Variants in EPB41L3 observed in about 807,000 individuals in gnomAD.
EPB41L3 encodes band 4.1-like protein 3.
EPB41L3 carries 57 observed loss-of-function variants against 127.1 expected under a neutral mutation model. The observed-to-expected ratio is 0.45, with a 90% CI of 0.36 to 0.56. EPB41L3 has a LOEUF of 0.56. Ranked by LOEUF, EPB41L3 falls within the 20% of genes least tolerant of loss-of-function variation. The pLI is 0.00. For synonymous variants in EPB41L3, 572 were observed against 549.5 expected, an observed-to-expected ratio of 1.04 and a Z score of -0.57; for missense variants, 1,273 against 1,372.2, an observed-to-expected ratio of 0.93 and a Z score of 1.14.
At chr18:5,419,598 G>A (rs1378025255) in intron 12 of EPB41L3, 113 bp downstream of exon 12, 3 of 1,408,654 alleles carry the variant, frequency 2.1e-6, no homozygotes, top group Non-Finnish European at 2.9e-6. Context: ...TGTGACCAGT[G>A]CTGACATATG....
In EPB41L3 at chr18:5,414,034, T is replaced by G. The variant is rs76329233; in HGVS notation, c.2067+1784A>C. The stretch of plus-strand genomic sequence containing the variant: ...TTTGCTATATAAAAGTTGAAATATT[T>G]ATTTTGAATTTAGAAAAGCATAAAA... On this transcript the variant is annotated intron_variant, in intron 13 of 22. Transcript: ENST00000341928. 1.4e-3 allele frequency among the ~76,000 whole-genome samples: 210 copies of G among 152,346 alleles called. 1 individual carries two copies. Among genetic ancestry groups the G allele is most frequent in the African/African-American group, 4.9e-3 (205 of 41,596 alleles).
chr18:5,557,991 C>G (rs577505699), intron 3 of EPB41L3, among the ~76,000 whole-genome samples: 8 of 152,316 alleles, frequency 5.3e-5, no homozygotes, highest in African/African-American at 1.9e-4. Flanking sequence ...AGATTTTGAA[C>G]AACAGAATCA....
intron 16 of EPB41L3, chr18:5,398,523 G>A (rs944259656): frequency 2.0e-5 from 8 of 403,794 alleles, no homozygotes; most frequent in Admixed American, 4.3e-5. Context: ...TTAAGAAGCT[G>A]GGTTGGCTGC....
rs781737635 is a variant in EPB41L3, at chr18:5,415,863, C to G, written c.2022G>C (p.Leu674Phe). 4.3e-6 allele frequency: 7 copies of G among 1,613,330 alleles called. No homozygotes were observed. Among genetic ancestry groups the G allele is most frequent in the Admixed American group, 1.7e-5 (1 of 59,994 alleles). ...TCGGGTCATTGTCTAGGGAGGCGCT[C>G]AAGGAGGCCGCCTTGGGCTCCAGGT... ...LCYLEPKAAS[L>F]SASLDNDPSD... The change falls in exon 13 of 23, where the codon TTG becomes TTC. Residue 674 changes from leucine to phenylalanine, a missense_variant. Physicochemically the swap from Leu to Phe is conservative, Grantham distance 22. Around this residue, in one of 3 missense-constraint regions of EPB41L3, gnomAD observed 765 missense variants for 782.9 expected, o/e 0.98. Coordinates refer to ENST00000341928, the MANE Select transcript of EPB41L3 (RefSeq NM_012307.5).
chr18:5,481,905 A>G (rs949057583), intron 2 of EPB41L3, among the ~76,000 whole-genome samples: 3 of 152,186 alleles, frequency 2.0e-5, no homozygotes, highest in African/African-American at 7.2e-5. Context: ...CTAAGCAAAC[A>G]TATCCAATAA....
At chr18:5,513,368 T>C (rs1375634029) in intron 1 of EPB41L3, among the ~76,000 whole-genome samples, 1 of 152,116 alleles carries the variant, frequency 6.6e-6, no homozygotes, top group African/African-American at 2.4e-5. Context: ...TGTGCCAAAT[T>C]TGAAGTACCT....
At chr18:5,605,913 C>T (rs1025088653) in intron 3 of EPB41L3, among the ~76,000 whole-genome samples, 14 of 151,950 alleles carry the variant, frequency 9.2e-5, no homozygotes, top group African/African-American at 3.1e-4. Flanking sequence ...TAGGTAAAGA[C>T]GAAGTAAGGA....
chr18:5,434,173 A>G, intron 6 of EPB41L3, 52 bp from the exon 7 acceptor site: 1 of 1,483,726 alleles, frequency 6.7e-7, no homozygotes, highest in Non-Finnish European at 9.4e-7. Flanking sequence ...GGATACAGGA[A>G]AAGGAGGTCG....
chr18:5,403,986 A>G (rs1175068274), intron 16 of EPB41L3, among the ~76,000 whole-genome samples: 2 of 152,212 alleles, frequency 1.3e-5, no homozygotes, highest in African/African-American at 4.8e-5. Flanking sequence ...CCATGGTTTT[A>G]ATATAGAAAT....
intron 3 of EPB41L3, among the ~76,000 whole-genome samples, chr18:5,601,515 T>G (rs2094591524): frequency 6.6e-6 from 1 of 152,174 alleles, no homozygotes; most frequent in African/African-American, 2.4e-5. Context: ...GTGTTGTTGT[T>G]TTTTTCCTTC....
At chr18:5,476,409 T>TA (rs2087231830) in intron 3 of EPB41L3, among the ~76,000 whole-genome samples, 1 of 152,086 alleles carries the variant, frequency 6.6e-6, no homozygotes, top group South Asian at 2.1e-4. Flanking sequence ...AAGTAAAAAA[T>TA]AAAAAATTTG....
Position 5,394,428 on chromosome 18 carries a change from CAAGCATAG to C in EPB41L3, c.*6+241_*6+248del, listed in dbSNP as rs368029542. Reference sequence around the variant, plus strand: ...AAAAGGGAACACCAGGAAGACCACACAAGCATAGAAGCATAGACTCTGCTCTTCCTTTA... The same window carrying C: ...AAAAGGGAACACCAGGAAGACCACACAAGCATAGACTCTGCTCTTCCTTTA... On this transcript the variant is annotated intron_variant, in intron 22 of 22. Coordinates refer to ENST00000341928, the MANE Select transcript of EPB41L3 (RefSeq NM_012307.5). 4.9e-4 allele frequency: 187 copies of C among 381,618 alleles called. 2 individuals are homozygous for C. The highest frequency in any genetic ancestry group is 3.5e-3 in the African/African-American group (175 of 50,078). 23.6% of individuals were successfully genotyped at this position (381,618 alleles called of 1,614,324 possible).
At chr18:5,629,420 C>CACACACACACAG (rs1555828654), upstream of EPB41L3, among the ~76,000 whole-genome samples, 3 of 136,684 alleles carry the variant, frequency 2.2e-5, no homozygotes, top group African/African-American at 1.0e-4. Context: ...ACACACCACA[C>CACACACACACAG]ACACACACAC....
At chr18:5,562,867 C>T (rs903589035) in intron 3 of EPB41L3, among the ~76,000 whole-genome samples, 15 of 152,154 alleles carry the variant, frequency 9.9e-5, no homozygotes, top group East Asian at 1.9e-4. Context: ...GCACTTACTG[C>T]GTGACTTAGT....
intron 3 of EPB41L3, chr18:5,463,499 G>T (rs907948046): frequency 6.6e-6 from 1 of 152,448 alleles, no homozygotes; most frequent in Non-Finnish European, 1.5e-5. Context: ...TTCTCTAGCT[G>T]GTTGCCGATG....
At chr18:5,566,793 C>CT (rs747649790) in intron 3 of EPB41L3, among the ~76,000 whole-genome samples, 967 of 88,056 alleles carry the variant, frequency 0.011, 9 homozygotes, top group Middle Eastern at 0.016. Context: ...TATTCTATTC[C>CT]ATTCCATTCC....
chr18:5,466,248 TC>T, intron 3 of EPB41L3: 1 of 152,194 alleles, frequency 6.6e-6, no homozygotes, highest in East Asian at 1.9e-4. Context: ...AAAACTTTTT[TC>T]AAACGAATAG....
At chr18:5,544,823 T>C (rs1293470098), upstream of EPB41L3, among the ~76,000 whole-genome samples, 4 of 152,202 alleles carry the variant, frequency 2.6e-5, no homozygotes, top group Non-Finnish European at 5.9e-5. Context: ...TGATAATGCT[T>C]GAAGGATAGA....
intron 3 of EPB41L3, among the ~76,000 whole-genome samples, chr18:5,591,537 C>T (rs1205276250): frequency 6.6e-6 from 1 of 152,196 alleles, no homozygotes; most frequent in Non-Finnish European, 1.5e-5. Flanking sequence ...AATAGTATCA[C>T]TGCAGGTGTT....
Sources: gnomAD v4.1 joint callset for allele counts (sites outside exome capture counted in the v4.1 genomes callset) on GRCh38, gnomAD v4.1.1 for gene constraint, gnomAD v4.1.1 regional missense constraint, MANE v1.5 for transcripts, NCBI Gene and HGNC (gene_info 2026-07-23, HGNC 2026-07-21) for gene names.